Variants in LINGO2 observed in about 807,000 individuals in gnomAD.
The protein encoded by LINGO2 is leucine-rich repeat and immunoglobulin-like domain-containing nogo receptor-interacting protein 2.
LINGO2 carries 14 observed loss-of-function variants against 30.6 expected under a neutral mutation model. The ratio of observed to expected loss-of-function variants is 0.46; its 90% CI spans 0.30 to 0.72. The LOEUF is 0.72. LINGO2 is among the 30% of genes least tolerant of loss of function. The pLI, the probability that LINGO2 is intolerant of heterozygous loss-of-function variation, is 0.07. For missense variants in LINGO2, 729 were observed against 751.7 expected, an observed-to-expected ratio of 0.97 and a Z score of 0.35; for synonymous variants, 317 against 288.5, an observed-to-expected ratio of 1.10 and a Z score of -1.00.
chr9:28,315,175 C>T (rs1287446151), intron 3 of LINGO2, among the ~76,000 whole-genome samples: 1 of 151,808 alleles, frequency 6.6e-6, no homozygotes, highest in African/African-American at 2.4e-5. Context: ...GAAGCTGAGG[C>T]GGGAGGATTA....
intron 4 of LINGO2, among the ~76,000 whole-genome samples, chr9:28,037,123 A>G (rs763525284): frequency 6.6e-6 from 1 of 152,214 alleles, no homozygotes; most frequent in African/African-American, 2.4e-5. Flanking sequence ...AAGTGATGTT[A>G]AAGTAGGAAA....
intron 3 of LINGO2, among the ~76,000 whole-genome samples, chr9:28,318,981 G>A (rs1824941054): frequency 6.6e-6 from 1 of 152,144 alleles, no homozygotes; most frequent in Admixed American, 6.5e-5. Flanking sequence ...GTAAGTGGCA[G>A]AAGGAGCCTT....
intron 2 of LINGO2, among the ~76,000 whole-genome samples, chr9:28,428,284 T>C (rs555048572): frequency 1.3e-5 from 2 of 152,242 alleles, no homozygotes; most frequent in East Asian, 3.9e-4. Context: ...TTGAGAGGAT[T>C]CTTTGGGCAA....
At chr9:28,111,003 T>C (rs564225223) in intron 4 of LINGO2, among the ~76,000 whole-genome samples, 16 of 152,232 alleles carry the variant, frequency 1.1e-4, no homozygotes, top group Admixed American at 6.5e-4. Context: ...CCATCAATGA[T>C]AGACTGGATA....
Position 28,561,749 on chromosome 9 carries a change from G to GTGTATATATATA in LINGO2, c.-364-85725_-364-85724insTATATATATACA, listed in dbSNP as rs772157537. ...TATATATAATTTTGTGTGTGTGTGTGTATATATATATATATATATATATAT... is the reference window on the plus strand; with the variant it reads ...TATATATAATTTTGTGTGTGTGTGTGTGTATATATATATATATATATATATATATATATATAT... On this transcript the variant is annotated intron_variant, in intron 1 of 5. Transcript: ENST00000379992. Among the ~76,000 whole-genome samples the GTGTATATATATA allele has an allele frequency of 2.7e-4, 13 of 48,718 alleles. 1 individual carries two copies. The highest frequency in any genetic ancestry group is 6.5e-4 in the South Asian group (1 of 1,532). 32.0% of individuals were successfully genotyped at this position (48,718 alleles called of 152,430 possible).
upstream of LINGO2, among the ~76,000 whole-genome samples, chr9:28,670,768 T>C (rs867183009): frequency 3.0e-4 from 45 of 152,236 alleles, no homozygotes; most frequent in Middle Eastern, 0.014. Context: ...AAATGATGGT[T>C]ATCCATCTGA....
intron 4 of LINGO2, among the ~76,000 whole-genome samples, chr9:28,224,712 A>T (rs1821087433): frequency 6.6e-6 from 1 of 152,132 alleles, no homozygotes; most frequent in Admixed American, 6.6e-5. Flanking sequence ...ATCTTCATGA[A>T]ATATAGCTTT....
chr9:29,068,495 T>C, the LINGO2 span, among the ~76,000 whole-genome samples: 1 of 151,848 alleles, frequency 6.6e-6, no homozygotes, highest in South Asian at 2.1e-4. Context: ...AATATAAGTA[T>C]ATCTTGTTTA....
intron 3 of LINGO2, among the ~76,000 whole-genome samples, chr9:28,306,571 C>G (rs955826338): frequency 6.6e-6 from 1 of 152,032 alleles, no homozygotes; most frequent in Non-Finnish European, 1.5e-5. Flanking sequence ...CAAGAAATAA[C>G]TAAAATCAGA....
chr9:28,510,939 G>A (rs150614194), intron 1 of LINGO2, among the ~76,000 whole-genome samples: 33 of 152,154 alleles, frequency 2.2e-4, no homozygotes, highest in African/African-American at 7.0e-4. Flanking sequence ...CATCGAGTGC[G>A]GGAGAAAGAT....
At chr9:28,005,198 C>T (rs1191088611) in intron 5 of LINGO2, among the ~76,000 whole-genome samples, 1 of 152,164 alleles carries the variant, frequency 6.6e-6, no homozygotes, top group African/African-American at 2.4e-5. Context: ...GAGGTCATAC[C>T]AATCCAGTGG....
chr9:28,854,507 T>A, the LINGO2 span, among the ~76,000 whole-genome samples: 1 of 151,968 alleles, frequency 6.6e-6, no homozygotes, highest in South Asian at 2.1e-4. Context: ...AAATCACTGA[T>A]TGATAAATGG....
chr9:28,838,993 T>A, the LINGO2 span, among the ~76,000 whole-genome samples: 1 of 152,178 alleles, frequency 6.6e-6, no homozygotes, highest in Non-Finnish European at 1.5e-5. Flanking sequence ...GGACCAGGCA[T>A]ATCGCAAGTG....
the LINGO2 span, among the ~76,000 whole-genome samples, chr9:29,096,788 G>A: frequency 1.4e-5 from 2 of 140,026 alleles, 1 homozygote; most frequent in African/African-American, 5.4e-5. Flanking sequence ...GTGAGTACAT[G>A]TAGGAAATAC....
At chr9:29,059,929 TGAA>T in the LINGO2 span, among the ~76,000 whole-genome samples, 1 of 152,052 alleles carries the variant, frequency 6.6e-6, no homozygotes. Flanking sequence ...GTGCCACAGC[TGAA>T]TGGCAGGGTA....
the LINGO2 span, among the ~76,000 whole-genome samples, chr9:28,793,889 C>G: frequency 0.15 from 22,382 of 152,192 alleles, 1,855 homozygotes; most frequent in East Asian, 0.33. Context: ...ATGCACTGCT[C>G]TACACTATTT....
At chr9:28,777,314 G>T in the LINGO2 span, among the ~76,000 whole-genome samples, 1 of 152,160 alleles carries the variant, frequency 6.6e-6, no homozygotes, top group Non-Finnish European at 1.5e-5. Flanking sequence ...AAGAAAGGGA[G>T]GCATAGAAAC....
the LINGO2 span, among the ~76,000 whole-genome samples, chr9:28,689,751 GC>G: frequency 1.3e-5 from 2 of 152,098 alleles, no homozygotes; most frequent in African/African-American, 4.8e-5. Flanking sequence ...AAAGATACAT[GC>G]ATGTGTATGT....
intron 1 of LINGO2, among the ~76,000 whole-genome samples, chr9:28,498,395 T>C (rs1819744896): frequency 6.6e-6 from 1 of 152,174 alleles, no homozygotes; most frequent in Non-Finnish European, 1.5e-5. Flanking sequence ...TGCCTTGCAG[T>C]TAGATCTCAG....
Sources: allele counts gnomAD v4.1 joint callset (sites outside exome capture counted in the v4.1 genomes callset), GRCh38; gene constraint gnomAD v4.1.1; transcripts MANE v1.5; gene names NCBI Gene and HGNC (gene_info 2026-07-23, HGNC 2026-07-21).